Variants in SLC4A5 observed in about 807,000 individuals in gnomAD.
SLC4A5 encodes the protein solute carrier family 4 member 5.
SLC4A5 carries 96 observed loss-of-function variants against 120.4 expected under a neutral mutation model. That is an observed-to-expected ratio of 0.80 (90% CI 0.68 to 0.94). The LOEUF (loss-of-function observed/expected upper bound fraction) is 0.94. SLC4A5 is among the 40% of genes least tolerant of loss of function. The pLI is 0.00. For missense variants in SLC4A5, 1,259 were observed against 1,459.5 expected (o/e 0.86, Z 2.24); for synonymous variants, 550 against 571.1 (o/e 0.96, Z 0.53).
At chr2:74,284,378 C>T (rs1341114395) in intron 8 of SLC4A5, among the ~76,000 whole-genome samples, 1 of 78,976 alleles carries the variant, frequency 1.3e-5, no homozygotes, top group Non-Finnish European at 2.1e-5. Flanking sequence ...GACGGGGTTT[C>T]ACCTTGTTAG....
chr2:74,275,028 G>A (rs763080127), intron 8 of SLC4A5, among the ~76,000 whole-genome samples: 7 of 152,162 alleles, frequency 4.6e-5, no homozygotes, highest in Non-Finnish European at 7.4e-5. Context: ...TTCCTCCCAT[G>A]GCTGACTGAT....
At chr2:74,230,575 A>T (rs1670043019) in intron 25 of SLC4A5, among the ~76,000 whole-genome samples, 1 of 151,978 alleles carries the variant, frequency 6.6e-6, no homozygotes, top group African/African-American at 2.4e-5. Context: ...TGAGCCCCAA[A>T]CCCTGGCAAT....
intron 30 of SLC4A5, among the ~76,000 whole-genome samples, chr2:74,220,440 G>C (rs114467352): frequency 0.01 from 1,525 of 152,172 alleles, 37 homozygotes; most frequent in African/African-American, 0.035. Flanking sequence ...GAGTACCCCA[G>C]GGTTTCGATC....
intron 12 of SLC4A5, among the ~76,000 whole-genome samples, chr2:74,258,456 T>A (rs1671036563): frequency 6.6e-6 from 1 of 152,244 alleles, no homozygotes; most frequent in African/African-American, 2.4e-5. Context: ...ATAAAAAACT[T>A]TTACTAGGTA....
intron 3 of SLC4A5, among the ~76,000 whole-genome samples, chr2:74,336,936 C>CAGAGG: frequency 6.6e-6 from 1 of 152,138 alleles, no homozygotes; most frequent in African/African-American, 2.4e-5. Context: ...AGGTAAGGAG[C>CAGAGG]CTCTTTCCTT....
chr2:74,222,804 T>G, intron 29 of SLC4A5, 64 bp downstream of exon 29: 1 of 1,400,778 alleles, frequency 7.1e-7, no homozygotes, highest in Middle Eastern at 1.8e-4. Flanking sequence ...CAGATGAAAG[T>G]TCCTAGGGGA....
chr2:74,286,573 C>A (rs1363444215), intron 7 of SLC4A5, among the ~76,000 whole-genome samples: 1 of 152,180 alleles, frequency 6.6e-6, no homozygotes, highest in African/African-American at 2.4e-5. Flanking sequence ...CCAGTGAATA[C>A]CTACTATGTG....
chr2:74,331,076 G>A lies in SLC4A5; in HGVS notation c.-69-2890C>T, dbSNP rs190694728. 2.8e-3 allele frequency among the ~76,000 whole-genome samples: 425 copies of A among 151,604 alleles called. 2 individuals are homozygous for A. Among genetic ancestry groups the A allele is most frequent in the African/African-American group, 0.01 (417 of 41,222 alleles). On this transcript the variant is annotated intron_variant, in intron 4 of 30. Coordinates refer to ENST00000394019, the Ensembl canonical transcript of SLC4A5. Reference sequence around the variant, plus strand: ...GTGGTGAGGTATAGGTGAGGGTGGTGAGGTGTAGATGGTGATAGTGACGTA... The same window carrying A: ...GTGGTGAGGTATAGGTGAGGGTGGTAAGGTGTAGATGGTGATAGTGACGTA...
intron 8 of SLC4A5, among the ~76,000 whole-genome samples, chr2:74,285,254 AAAC>A (rs1399858646): frequency 2.6e-5 from 4 of 152,132 alleles, no homozygotes; most frequent in Non-Finnish European, 4.4e-5. Context: ...GTCTCTGGAA[AAAC>A]AACAACAACG....
chr2:74,321,027 G>C (rs1558913456), intron 5 of SLC4A5, among the ~76,000 whole-genome samples: 2 of 152,142 alleles, frequency 1.3e-5, no homozygotes, highest in Non-Finnish European at 2.9e-5. Context: ...CCACCGATAC[G>C]CATTGGTATG....
chr2:74,226,351 T>C (rs1694840622), intron 27 of SLC4A5, among the ~76,000 whole-genome samples: 1 of 152,202 alleles, frequency 6.6e-6, no homozygotes, highest in African/African-American at 2.4e-5. Flanking sequence ...CGGTGAGTTA[T>C]CTAGGGGGCC....
chr2:74,254,970 C>T (rs760273962), intron 13 of SLC4A5, among the ~76,000 whole-genome samples: 6 of 152,062 alleles, frequency 3.9e-5, no homozygotes, highest in Non-Finnish European at 8.8e-5. Context: ...CAGGCGTGTA[C>T]CACCAAGCCC....
chr2:74,342,343 T>G (rs1384118306), intron 2 of SLC4A5, 115 bp downstream of exon 2: 1 of 152,226 alleles, frequency 6.6e-6, no homozygotes, highest in Non-Finnish European at 1.5e-5. Context: ...GGAGAGGGTG[T>G]GGGCAGGCAT....
intron 21 of SLC4A5, among the ~76,000 whole-genome samples, chr2:74,236,248 T>C (rs1363916215): frequency 6.6e-6 from 1 of 152,226 alleles, no homozygotes; most frequent in Non-Finnish European, 1.5e-5. Flanking sequence ...TAAGGGATTA[T>C]CTATTGATAA....
At chr2:74,241,821 T>C (rs1446798767) in intron 20 of SLC4A5, among the ~76,000 whole-genome samples, 173 bp downstream of exon 20, 1 of 151,480 alleles carries the variant, frequency 6.6e-6, no homozygotes, top group East Asian at 1.9e-4. Context: ...TTACAGTATA[T>C]ACCTAAGAAA....
chr2:74,240,041 T>TTATATATATATACATATATAAATTTA (rs1670390335), intron 20 of SLC4A5, among the ~76,000 whole-genome samples: 2 of 145,384 alleles, frequency 1.4e-5, no homozygotes, highest in East Asian at 2.0e-4. Flanking sequence ...ATATATAAAT[T>TTATATATATATACATATATAAATTTA]TATATATATA....
At chr2:74,308,190 C>A (rs1459018611) in intron 6 of SLC4A5, among the ~76,000 whole-genome samples, 1 of 152,248 alleles carries the variant, frequency 6.6e-6, no homozygotes, top group Non-Finnish European at 1.5e-5. Context: ...TCTAAACATT[C>A]ATATGTAGGC....
At chr2:74,337,486 C>T (rs144128563) in intron 3 of SLC4A5, among the ~76,000 whole-genome samples, 3 of 152,126 alleles carry the variant, frequency 2.0e-5, no homozygotes, top group South Asian at 2.1e-4. Context: ...TTTTAAAGAG[C>T]GGGGCTCAAG....
intron 8 of SLC4A5, among the ~76,000 whole-genome samples, chr2:74,273,387 ATTTGT>A (rs1409147844): frequency 1.3e-5 from 2 of 152,186 alleles, no homozygotes; most frequent in East Asian, 1.9e-4. Flanking sequence ...GCCTCCAAAC[ATTTGT>A]TTTAAGAATT....
Sources: gnomAD v4.1 joint callset for allele counts (sites outside exome capture counted in the v4.1 genomes callset) on GRCh38, gnomAD v4.1.1 for gene constraint, MANE v1.5 for transcripts, NCBI Gene and HGNC (gene_info 2026-07-23, HGNC 2026-07-21) for gene names.